The following UNC5C variants were observed in gnomAD, a reference collection of about 807,000 sequenced individuals.
UNC5C encodes unc-5 netrin receptor C.
In UNC5C, 47 loss-of-function variants were observed where a neutral mutation model predicts 99.8. The observed-to-expected ratio is 0.47, with a 90% confidence interval of 0.37 to 0.60. The LOEUF is 0.60. Ranked by LOEUF, UNC5C falls within the 20% of genes least tolerant of loss-of-function variation. The probability of loss-of-function intolerance (pLI) is 0.00; values close to 1 mark genes in which losing one functional copy is unlikely to be tolerated. For synonymous variants in UNC5C, 487 were observed against 452.2 expected (o/e 1.08, Z -0.98); for missense variants, 1,062 against 1,165.9 (o/e 0.91, Z 1.30).
chr4:95,444,848 T>TA (rs1450008786), intron 1 of UNC5C, among the ~76,000 whole-genome samples: 1 of 151,952 alleles, frequency 6.6e-6, no homozygotes, highest in Admixed American at 6.6e-5. Context: ...TTGCTTCCAT[T>TA]AAAAAAAATT....
At chr4:95,293,183 C>G (rs1423563699) in intron 3 of UNC5C, among the ~76,000 whole-genome samples, 3 of 150,552 alleles carry the variant, frequency 2.0e-5, no homozygotes, top group African/African-American at 7.3e-5. Flanking sequence ...TGGAATGAAT[C>G]TATTGCATTC....
intron 1 of UNC5C, among the ~76,000 whole-genome samples, chr4:95,492,640 C>T (rs1178593024): frequency 3.3e-5 from 5 of 151,348 alleles, no homozygotes; most frequent in Admixed American, 6.6e-5. Context: ...CAAAAATTCA[C>T]GTTATCACAC....
chr4:95,189,656 C>T (rs1736988212), intron 12 of UNC5C, among the ~76,000 whole-genome samples: 1 of 152,194 alleles, frequency 6.6e-6, no homozygotes, highest in African/African-American at 2.4e-5. Context: ...AAGAAACAAA[C>T]AACCCCATCA....
At chr4:95,471,829 C>CTT (rs112882888) in intron 1 of UNC5C, among the ~76,000 whole-genome samples, 2 of 146,720 alleles carry the variant, frequency 1.4e-5, no homozygotes, top group Admixed American at 1.4e-4. Context: ...TGCATTTTGT[C>CTT]TTTTTTTTTT....
chr4:95,327,882 A>C (rs1742948889), intron 2 of UNC5C, among the ~76,000 whole-genome samples: 1 of 151,980 alleles, frequency 6.6e-6, no homozygotes, highest in African/African-American at 2.4e-5. Context: ...ATGATGAAAA[A>C]GAATTCAGGA....
intron 7 of UNC5C, among the ~76,000 whole-genome samples, chr4:95,222,903 T>A (rs556603381): frequency 1.1e-4 from 17 of 152,306 alleles, no homozygotes; most frequent in African/African-American, 3.8e-4. Flanking sequence ...GGAAACTGGA[T>A]GCTTTTTATT....
intron 4 of UNC5C, among the ~76,000 whole-genome samples, chr4:95,270,273 G>GA (rs1740610445): frequency 6.6e-6 from 1 of 151,942 alleles, no homozygotes; most frequent in Non-Finnish European, 1.5e-5. Context: ...CTCAGTTTTG[G>GA]AAAAAAACAA....
chr4:95,282,859 A>G (rs1181642572), intron 3 of UNC5C, among the ~76,000 whole-genome samples: 3 of 152,164 alleles, frequency 2.0e-5, no homozygotes, highest in East Asian at 3.9e-4. Flanking sequence ...GAAATTTAGA[A>G]TAATATTTTT....
rs568510471 is a variant in UNC5C at position 95,176,999 on chromosome 4, G to A, written c.2451+5898C>T. On this transcript the variant is annotated intron_variant, in intron 14 of 15. Transcript: ENST00000453304. ...CGCAGTACTTGGGGGGGAGTGACCC[G>A]ATTTTCCAGGTGCCGTCTGTCACCC... Among the ~76,000 whole-genome samples, 151 of 152,286 alleles carry A rather than the reference G, an allele frequency of 9.9e-4. No homozygotes were observed. In the Middle Eastern group the frequency reaches 0.014, roughly 14 times the overall value.
intron 1 of UNC5C, among the ~76,000 whole-genome samples, chr4:95,401,339 C>T (rs1176701324): frequency 6.6e-6 from 1 of 152,022 alleles, no homozygotes; most frequent in Non-Finnish European, 1.5e-5. Flanking sequence ...CACTTTGTCA[C>T]CCAGGCTGTA....
chr4:95,353,224 C>A (rs904263464), intron 1 of UNC5C, among the ~76,000 whole-genome samples: 1 of 152,076 alleles, frequency 6.6e-6, no homozygotes, highest in African/African-American at 2.4e-5. Context: ...GTTTTTACTG[C>A]AGTCAGCTCT....
intron 13 of UNC5C, 111 bp from the exon 14 acceptor site, chr4:95,183,172 C>G: frequency 9.5e-7 from 1 of 1,054,170 alleles, no homozygotes; most frequent in Non-Finnish European, 1.4e-6. Flanking sequence ...TCATTTAATC[C>G]TCACAACAGC....
At chr4:95,345,885 C>T (rs1743751908) in intron 1 of UNC5C, among the ~76,000 whole-genome samples, 2 of 151,872 alleles carry the variant, frequency 1.3e-5, no homozygotes, top group African/African-American at 2.4e-5. Context: ...GCTTTAAGTG[C>T]CTACATCTGA....
At chr4:95,302,061 A>G (rs1455720301) in intron 2 of UNC5C, among the ~76,000 whole-genome samples, 1 of 152,222 alleles carries the variant, frequency 6.6e-6, no homozygotes, top group African/African-American at 2.4e-5. Flanking sequence ...CTATATTGAA[A>G]TATAAACTTG....
intron 2 of UNC5C, among the ~76,000 whole-genome samples, chr4:95,318,280 A>T (rs1329879180): frequency 6.6e-6 from 1 of 152,134 alleles, no homozygotes; most frequent in Non-Finnish European, 1.5e-5. Context: ...CTGAGATCGC[A>T]GTGATGGAGC....
At chr4:95,196,645 G>A (rs1217032291) in intron 12 of UNC5C, among the ~76,000 whole-genome samples, 2 of 148,670 alleles carry the variant, frequency 1.3e-5, no homozygotes, top group Admixed American at 7.0e-5. Context: ...AAAGAGGTGA[G>A]TAGGGAGAAG....
chr4:95,289,213 C>T (rs530495695), intron 3 of UNC5C, among the ~76,000 whole-genome samples: 131 of 152,304 alleles, frequency 8.6e-4, no homozygotes, highest in South Asian at 2.3e-3. Context: ...TCCTCCAGCC[C>T]CTAAATCAGC....
intron 1 of UNC5C, among the ~76,000 whole-genome samples, chr4:95,460,800 T>C (rs1489983921): frequency 6.6e-6 from 1 of 152,188 alleles, no homozygotes; most frequent in Non-Finnish European, 1.5e-5. Flanking sequence ...ACAAACAATG[T>C]AACATAACCA....
chr4:95,354,627 A>G (rs1744113373), intron 1 of UNC5C, among the ~76,000 whole-genome samples: 1 of 151,602 alleles, frequency 6.6e-6, no homozygotes, highest in Non-Finnish European at 1.5e-5. Context: ...AACTACAGGC[A>G]TGCACCACTA....
Sources: gnomAD v4.1 joint callset for allele counts (sites outside exome capture counted in the v4.1 genomes callset) on GRCh38, gnomAD v4.1.1 for gene constraint, MANE v1.5 for transcripts, NCBI Gene and HGNC (gene_info 2026-07-23, HGNC 2026-07-21) for gene names.